The following SLC25A33 variants were observed in gnomAD, a reference collection of about 807,000 sequenced individuals.
The protein encoded by SLC25A33 is bone marrow stromal cell mitochondrial carrier protein.
SLC25A33 carries 15 observed loss-of-function variants against 35.5 expected under a neutral mutation model. The observed-to-expected ratio is 0.42, with a 90% CI of 0.28 to 0.65. SLC25A33 has a LOEUF of 0.65. SLC25A33 is among the 30% of genes least tolerant of loss of function. The pLI is 0.20. For synonymous variants in SLC25A33, 136 were observed against 148.7 expected (o/e 0.91, Z 0.62); for missense variants, 257 against 398.5 (o/e 0.64, Z 3.02).
rs1643763632 is a variant in SLC25A33 at position 9,582,766 on chromosome 1, T to A, written c.*265T>A. 2.3e-6 allele frequency: 1 copy of A among 435,614 alleles called. No homozygotes were observed. Among genetic ancestry groups the A allele is most frequent in the Non-Finnish European group, 4.1e-6 (1 of 244,420 alleles). The allele number at this position is 435,614 out of a possible 1,614,324, so 27.0% of individuals were successfully genotyped here. A position where few individuals can be genotyped will look rare whatever the true frequency, so the allele number is the denominator to read the frequency against. On this transcript the variant is annotated 3_prime_UTR_variant, in exon 7 of 7. Transcript: ENST00000302692. The surrounding 1 kb of genome is among the most constrained non-coding windows in gnomAD (Gnocchi z 4.0). ...CTAAATTAAATCATGCTATTTAATT[T>A]AAGTATACATTTGGCTTGTGTCCTC... is the stretch of plus-strand genomic sequence containing the variant.
At chr1:9,560,340 G>A (rs989707767) in intron 2 of SLC25A33, among the ~76,000 whole-genome samples, 23 of 151,890 alleles carry the variant, frequency 1.5e-4, no homozygotes, top group African/African-American at 5.1e-4. Flanking sequence ...CGAGGCGGGC[G>A]GATCACGAGG....
intron 1 of SLC25A33, among the ~76,000 whole-genome samples, chr1:9,543,742 T>C (rs888455518): frequency 1.3e-5 from 2 of 152,200 alleles, no homozygotes; most frequent in Admixed American, 1.3e-4. Flanking sequence ...CTTATTTTTA[T>C]GGCATGCTTT....
intron 6 of SLC25A33, among the ~76,000 whole-genome samples, chr1:9,580,865 A>AAAT (rs35059537): frequency 0.017 from 2,156 of 129,320 alleles, 29 homozygotes; most frequent in Middle Eastern, 0.023. Flanking sequence ...AAAAAAAAAA[A>AAAT]AATAATAATA....
rs546483243 is a variant in SLC25A33 at position 9,584,036 on chromosome 1, A to G, written c.*1535A>G. ...CCAGGATGTTACCCCCTTGGTTTTA[A>G]AGCAAATTTAATAAGGGAACAAAAA... is the stretch of plus-strand genomic sequence containing the variant. On this transcript the variant is annotated 3_prime_UTR_variant, in exon 7 of 7. Transcript: ENST00000302692. 6.6e-6 allele frequency: 1 copy of G among 152,090 alleles called. No homozygotes were observed. Among genetic ancestry groups the G allele is most frequent in the East Asian group, 1.9e-4 (1 of 5,172 alleles). 9.4% of individuals were successfully genotyped at this position (152,090 alleles called of 1,614,324 possible). A position where few individuals can be genotyped will look rare whatever the true frequency, so the allele number is the denominator to read the frequency against.
At chr1:9,562,371 C>G (rs1308565780) in intron 2 of SLC25A33, among the ~76,000 whole-genome samples, 4 of 147,994 alleles carry the variant, frequency 2.7e-5, no homozygotes, top group African/African-American at 5.1e-5. Flanking sequence ...AAAAAATTAG[C>G]AGGACGTGGT....
chr1:9,552,214 GATTA>G lies in SLC25A33; in HGVS notation c.57-1409_57-1406del, dbSNP rs1325498543. Among the ~76,000 whole-genome samples, 11 of 151,998 alleles carry G rather than the reference GATTA, an allele frequency of 7.2e-5. 1 individual carries two copies. The highest frequency in any genetic ancestry group is 7.2e-4 in the Admixed American group (11 of 15,238). On this transcript the variant is annotated intron_variant, in intron 1 of 6. Coordinates refer to ENST00000302692, the MANE Select transcript of SLC25A33 (RefSeq NM_032315.3). ...ACACAAGGACTTCATTGTTGAAGGT[GATTA>G]ATCAGATTTTTTTTTTTAAGACAGT...
At chr1:9,567,595 A>G (rs1022944050) in intron 3 of SLC25A33, among the ~76,000 whole-genome samples, 2 of 152,244 alleles carry the variant, frequency 1.3e-5, no homozygotes, top group South Asian at 2.1e-4. Flanking sequence ...TTAATCTGCT[A>G]TCATTACTGT....
intron 5 of SLC25A33, chr1:9,576,498 A>G: frequency 2.0e-6 from 1 of 500,624 alleles, no homozygotes; most frequent in South Asian, 1.5e-5. Flanking sequence ...AGAGATGCAC[A>G]GTTACTGTGA....
chr1:9,552,317 G>T (rs185509809), intron 1 of SLC25A33, among the ~76,000 whole-genome samples: 116 of 152,196 alleles, frequency 7.6e-4, no homozygotes, highest in Non-Finnish European at 1.4e-3. Context: ...CTGCATTCAA[G>T]CTATTCTCCT....
At position 9,539,847 on chromosome 1, in the gene SLC25A33, C is replaced by T. The variant is rs576446258; in HGVS notation, c.56+100C>T. 1,047 of 1,114,168 alleles carry T rather than the reference C, an allele frequency of 9.4e-4. 10 individuals carry two copies. The African/African-American group carries it at 0.016, about 17-fold the overall frequency. The allele number at this position is 1,114,168 out of a possible 1,614,324, so 69.0% of individuals were successfully genotyped here. ...GCCTCCCGCGGCGGTTACCGGCCTT[C>T]CCCGGGCTACGGCGCCGGCGCTCGG... On this transcript the variant is annotated intron_variant, in intron 1 of 6. Transcript: ENST00000302692.
chr1:9,564,739 A>AAAAATATAT (rs60174872), intron 2 of SLC25A33, among the ~76,000 whole-genome samples: 7 of 96,582 alleles, frequency 7.2e-5, no homozygotes, highest in African/African-American at 2.7e-4. Flanking sequence ...AAAAAAAAAA[A>AAAAATATAT]ATATATATAT....
chr1:9,556,469 A>G (rs1434600350), intron 2 of SLC25A33, among the ~76,000 whole-genome samples: 1 of 152,178 alleles, frequency 6.6e-6, no homozygotes, highest in African/African-American at 2.4e-5. Flanking sequence ...TGGGACCAGA[A>G]GCAATGCAGA....
rs181279253 is a variant in SLC25A33 at position 9,561,978 on chromosome 1, G to A, written c.237-5306G>A. Among the ~76,000 whole-genome samples the A allele has an allele frequency of 7.2e-5, 11 of 152,114 alleles. No individual in the cohort carries two copies. The East Asian group carries it at 1.5e-3, about 21-fold the overall frequency. ...TAAAAGAGCAATACTGTTTGAACCC[G>A]GGAGGTGGAGGTTGCAGTGAGCCGA... On this transcript the variant is annotated intron_variant, in intron 2 of 6. Coordinates refer to ENST00000302692, the MANE Select transcript of SLC25A33 (RefSeq NM_032315.3).
At chr1:9,544,309 C>T (rs1219707932) in intron 1 of SLC25A33, among the ~76,000 whole-genome samples, 1 of 149,432 alleles carries the variant, frequency 6.7e-6, no homozygotes, top group African/African-American at 2.5e-5. Flanking sequence ...CTCTGTGTAG[C>T]CCAGGCTGGA....
intron 1 of SLC25A33, among the ~76,000 whole-genome samples, chr1:9,544,465 C>T (rs999268179): frequency 2.0e-5 from 3 of 152,004 alleles, no homozygotes; most frequent in Middle Eastern, 3.4e-3. Flanking sequence ...GACCAGGTTT[C>T]ACCATGTTGG....
chr1:9,574,348 C>T (rs1016171055), intron 5 of SLC25A33, among the ~76,000 whole-genome samples: 2 of 152,162 alleles, frequency 1.3e-5, no homozygotes, highest in African/African-American at 4.8e-5. Flanking sequence ...GCCTTGGCTT[C>T]CCAAAGTGCT....
chr1:9,560,335 C>T (rs556344000), intron 2 of SLC25A33, among the ~76,000 whole-genome samples: 19 of 151,664 alleles, frequency 1.3e-4, no homozygotes, highest in African/African-American at 3.1e-4. Flanking sequence ...GTGGCCGAGG[C>T]GGGCGGATCA....
At chr1:9,553,301 T>G (rs1643295559) in intron 1 of SLC25A33, among the ~76,000 whole-genome samples, 1 of 135,646 alleles carries the variant, frequency 7.4e-6, no homozygotes, top group African/African-American at 2.7e-5. Context: ...ATCGGCTCAC[T>G]GCAGCCTCTG....
At chr1:9,580,510 A>C (rs1331132444) in intron 6 of SLC25A33, among the ~76,000 whole-genome samples, 1 of 152,216 alleles carries the variant, frequency 6.6e-6, no homozygotes, top group Non-Finnish European at 1.5e-5. Context: ...GAAGCTAAAA[A>C]TCTGGATTGT....
Sources: allele counts gnomAD v4.1 joint callset (sites outside exome capture counted in the v4.1 genomes callset), GRCh38; gene constraint gnomAD v4.1.1; non-coding constraint Gnocchi (gnomAD v3.1); transcripts MANE v1.5; gene names NCBI Gene and HGNC (gene_info 2026-07-23, HGNC 2026-07-21).